B3GLCT: variants seen among roughly 807,000 people sequenced by gnomAD.
The protein encoded by B3GLCT is beta-1,3-glucosyltransferase.
In B3GLCT, 65 loss-of-function variants were observed where a neutral mutation model predicts 63.4. That is an observed-to-expected ratio of 1.03 (90% CI 0.84 to 1.26). The LOEUF is 1.26. Ranked by LOEUF, B3GLCT falls within the 50% of genes most tolerant of loss-of-function variation. B3GLCT has a pLI of 0.00. For synonymous variants in B3GLCT, 233 were observed against 219.2 expected, an observed-to-expected ratio of 1.06 and a Z score of -0.55; for missense variants, 577 against 604.8, an observed-to-expected ratio of 0.95 and a Z score of 0.48.
At chr13:31,264,821 A>G (rs1368100631) in intron 7 of B3GLCT, among the ~76,000 whole-genome samples, 2 of 152,324 alleles carry the variant, frequency 1.3e-5, no homozygotes, top group African/African-American at 4.8e-5. Flanking sequence ...ATTATTAGCT[A>G]TATCAATTAG....
At chr13:31,272,261 G>C (rs908933264) in intron 8 of B3GLCT, among the ~76,000 whole-genome samples, 2 of 149,172 alleles carry the variant, frequency 1.3e-5, no homozygotes, top group African/African-American at 4.9e-5. Context: ...TGTCACCCAG[G>C]CTGGAGTGCA....
chr13:31,323,642 A>C (rs1469987199), intron 13 of B3GLCT, 109 bp from the exon 14 acceptor site: 1 of 1,262,690 alleles, frequency 7.9e-7, no homozygotes, highest in Non-Finnish European at 1.2e-6. Flanking sequence ...GAAAGCTACT[A>C]TTGCCTCTCA....
intron 14 of B3GLCT, among the ~76,000 whole-genome samples, chr13:31,325,430 G>T (rs1243315275): frequency 6.6e-6 from 1 of 152,158 alleles, no homozygotes; most frequent in Admixed American, 6.5e-5. Context: ...ATTTATCAAG[G>T]TTAGTGTGAC....
At chr13:31,294,654 C>A (rs1329205446) in intron 12 of B3GLCT, among the ~76,000 whole-genome samples, 1 of 152,138 alleles carries the variant, frequency 6.6e-6, no homozygotes, top group Non-Finnish European at 1.5e-5. Context: ...TTTTTCAGCT[C>A]CATCAGGTTA....
intron 6 of B3GLCT, among the ~76,000 whole-genome samples, chr13:31,257,362 T>C (rs1327350044): frequency 6.6e-6 from 1 of 152,112 alleles, no homozygotes; most frequent in African/African-American, 2.4e-5. Context: ...AGAGCTTTAT[T>C]ATAGATTTTT....
chr13:31,214,806 T>A (rs1869466458), intron 1 of B3GLCT, among the ~76,000 whole-genome samples: 1 of 152,256 alleles, frequency 6.6e-6, no homozygotes, highest in Non-Finnish European at 1.5e-5. Flanking sequence ...AGATTTGAAT[T>A]TGTCTGATGT....
chr13:31,325,547 G>A (rs980442568), intron 14 of B3GLCT, among the ~76,000 whole-genome samples: 24 of 152,112 alleles, frequency 1.6e-4, no homozygotes, highest in Non-Finnish European at 2.8e-4. Context: ...AAAGTCCTTT[G>A]AAGATAATTT....
At chr13:31,289,693 T>C (rs1180180730) in intron 12 of B3GLCT, among the ~76,000 whole-genome samples, 1 of 152,134 alleles carries the variant, frequency 6.6e-6, no homozygotes, top group East Asian at 1.9e-4. Context: ...GGAAATAATC[T>C]TTCCCAGACA....
In B3GLCT at chr13:31,267,340, C is replaced by A. The variant is rs183277640; in HGVS notation, c.597-1874C>A. ...GGGTATGACTTTTCTGTCTTTGGAGCCTGAATGAAATGAATACTTACTCTT... is the reference window on the plus strand; with the variant it reads ...GGGTATGACTTTTCTGTCTTTGGAGACTGAATGAAATGAATACTTACTCTT... On this transcript the variant is annotated intron_variant, in intron 7 of 14. Coordinates refer to ENST00000343307, the MANE Select transcript of B3GLCT (RefSeq NM_194318.4). Among the ~76,000 whole-genome samples, 27 of 152,266 alleles carry A rather than the reference C, an allele frequency of 1.8e-4. No homozygotes were observed. The East Asian group carries it at 5.0e-3, about 28-fold the overall frequency.
At chr13:31,213,315 G>A (rs1309527130) in intron 1 of B3GLCT, among the ~76,000 whole-genome samples, 6 of 152,060 alleles carry the variant, frequency 3.9e-5, no homozygotes, top group Non-Finnish European at 5.9e-5. Context: ...TTCCTGGTGG[G>A]GTGGTGGCTC....
Position 31,224,248 on chromosome 13 carries a change from T to C in B3GLCT, c.160+1257T>C, listed in dbSNP as rs558267570. ...TGTATGGTTTAGCCACGCCTTTCCATGTGGAGATTTTCTTCCCTGCTACCA... is the reference window on the plus strand; with the variant it reads ...TGTATGGTTTAGCCACGCCTTTCCACGTGGAGATTTTCTTCCCTGCTACCA... On this transcript the variant is annotated intron_variant, in intron 3 of 14. Coordinates refer to ENST00000343307, the MANE Select transcript of B3GLCT (RefSeq NM_194318.4). 4.6e-5 allele frequency among the ~76,000 whole-genome samples: 7 copies of C among 152,298 alleles called. 1 individual carries two copies. In the South Asian group the frequency reaches 8.3e-4, roughly 18 times the overall value.
intron 4 of B3GLCT, 41 bp downstream of exon 4, chr13:31,229,335 C>G (rs1870257920): frequency 8.7e-7 from 1 of 1,143,094 alleles, no homozygotes; most frequent in Non-Finnish European, 1.3e-6. Flanking sequence ...TTATGTATTT[C>G]TTGATTACCT....
intron 2 of B3GLCT, among the ~76,000 whole-genome samples, chr13:31,218,187 C>CTTTT (rs35142866): frequency 1.7e-5 from 2 of 119,866 alleles, no homozygotes; most frequent in African/African-American, 3.2e-5. Flanking sequence ...TTTGTGGCTA[C>CTTTT]TTTTTTTTTT....
intron 10 of B3GLCT, chr13:31,283,009 A>C (rs753544539): frequency 1.1e-4 from 17 of 152,254 alleles, no homozygotes; most frequent in Non-Finnish European, 2.1e-4. Flanking sequence ...TTTCAAAGTA[A>C]AAGAGAAAGC....
At chr13:31,273,252 G>A (rs1593289219) in intron 8 of B3GLCT, among the ~76,000 whole-genome samples, 1 of 151,930 alleles carries the variant, frequency 6.6e-6, no homozygotes, top group Non-Finnish European at 1.5e-5. Context: ...GTGCCACCAC[G>A]ACCAGCTAAT....
At chr13:31,201,400 G>A (rs1055627067) in intron 1 of B3GLCT, among the ~76,000 whole-genome samples, 3 of 152,252 alleles carry the variant, frequency 2.0e-5, no homozygotes, top group Admixed American at 6.5e-5. Context: ...TTAGGCAGCA[G>A]TGTAATTAAA....
At chr13:31,272,780 C>T (rs1316836223) in intron 8 of B3GLCT, among the ~76,000 whole-genome samples, 11 of 152,066 alleles carry the variant, frequency 7.2e-5, no homozygotes, top group Admixed American at 7.2e-4. Context: ...TTTCTTTTCA[C>T]CCTGGAAACT....
chr13:31,217,366 T>C (rs1027085489), intron 2 of B3GLCT, among the ~76,000 whole-genome samples: 1 of 152,228 alleles, frequency 6.6e-6, no homozygotes, highest in African/African-American at 2.4e-5. Context: ...GATGCATAGT[T>C]TGCAAATATT....
intron 4 of B3GLCT, among the ~76,000 whole-genome samples, chr13:31,240,780 T>C (rs556857440): frequency 1.1e-3 from 167 of 152,334 alleles, no homozygotes; most frequent in African/African-American, 3.9e-3. Context: ...TTTTTAGAAA[T>C]TGATAGGCAT....
Sources: allele counts gnomAD v4.1 joint callset (sites outside exome capture counted in the v4.1 genomes callset), GRCh38; gene constraint gnomAD v4.1.1; transcripts MANE v1.5; gene names NCBI Gene and HGNC (gene_info 2026-07-23, HGNC 2026-07-21).